Variants in LAMA3 observed in about 807,000 individuals in gnomAD.
LAMA3 encodes the protein laminin subunit alpha-3.
In LAMA3, 281 loss-of-function variants were observed where a neutral mutation model predicts 402.0. The ratio of observed to expected loss-of-function variants is 0.70; its 90% CI spans 0.63 to 0.77. The LOEUF (loss-of-function observed/expected upper bound fraction) is 0.77. LAMA3 is among the 30% of genes least tolerant of loss of function. The pLI, the probability that LAMA3 is intolerant of heterozygous loss-of-function variation, is 0.00. For missense variants in LAMA3, 3,840 were observed against 4,215.5 expected (o/e 0.91, Z 2.47); for synonymous variants, 1,431 against 1,558.4 (o/e 0.92, Z 1.93).
chr18:23,815,343 A>G (rs2063154589), intron 16 of LAMA3, 103 bp downstream of exon 16: 2 of 1,351,846 alleles, frequency 1.5e-6, no homozygotes, highest in South Asian at 1.2e-5. Context: ...TCTACAGTGC[A>G]TGGTAATCCT....
chr18:23,816,140 ATTTTGT>A (rs963579208), intron 17 of LAMA3, among the ~76,000 whole-genome samples: 1 of 152,012 alleles, frequency 6.6e-6, no homozygotes, highest in Non-Finnish European at 1.5e-5. Flanking sequence ...CACCATTTTA[ATTTTGT>A]TTTTGTTTTT....
At chr18:23,821,104 A>T (rs942947624) in intron 19 of LAMA3, among the ~76,000 whole-genome samples, 1 of 152,240 alleles carries the variant, frequency 6.6e-6, no homozygotes, top group African/African-American at 2.4e-5. Context: ...ATCAAAGGGT[A>T]TACCTTCTCA....
chr18:23,947,448 C>T (rs972776308), intron 70 of LAMA3, among the ~76,000 whole-genome samples: 14 of 152,144 alleles, frequency 9.2e-5, no homozygotes, highest in East Asian at 7.7e-4. Context: ...AAAAGAGCCC[C>T]GGGCTCAAAT....
In LAMA3 at chr18:23,871,554, C is replaced by A; in HGVS notation, c.4891C>A (p.Leu1631Met). 1 of 1,614,222 alleles carries A rather than the reference C, an allele frequency of 6.2e-7. No homozygotes were observed. Among genetic ancestry groups the A allele is most frequent in the Admixed American group, 1.7e-5 (1 of 60,024 alleles). Residue 1631 changes from leucine to methionine, a missense_variant, in exon 38 of 75, where the codon CTG becomes ATG. Physicochemically the swap from Leu to Met is conservative, Grantham distance 15. Coordinates refer to ENST00000313654, the MANE Select transcript of LAMA3 (RefSeq NM_198129.4). Reference protein sequence around the residue: ...LYFTETQRLTLSEVGLEEASD... With the variant: ...LYFTETQRLTMSEVGLEEASD... ...CTTCACAGAGACTCAAAGGCTCACC[C>A]TGAGCGAGGTGGGGCTAGAGGAAGC...
At chr18:23,777,869 A>G (rs2062357088) in intron 11 of LAMA3, among the ~76,000 whole-genome samples, 1 of 152,228 alleles carries the variant, frequency 6.6e-6, no homozygotes, top group Admixed American at 6.5e-5. Context: ...GCTTGCTCAA[A>G]GACCTTCAAT....
chr18:23,954,889 A>G lies in LAMA3; in HGVS notation c.*241A>G. On this transcript the variant is annotated 3_prime_UTR_variant, in exon 75 of 75. Transcript: ENST00000313654. ...AAAATTGTTATTCAAATTGTTATGC[A>G]CAGAATGTTTTTGGTAATATTAATT... 2.0e-6 allele frequency: 1 copy of G among 510,338 alleles called. No homozygotes were observed. The highest frequency in any genetic ancestry group is 3.5e-6 in the Non-Finnish European group (1 of 285,424). The allele number at this position is 510,338 out of a possible 1,614,324, so 31.6% of individuals were successfully genotyped here. A position where few individuals can be genotyped will look rare whatever the true frequency, so the allele number is the denominator to read the frequency against.
intron 1 of LAMA3, among the ~76,000 whole-genome samples, chr18:23,710,463 A>G (rs1398474745): frequency 6.6e-6 from 1 of 152,240 alleles, no homozygotes; most frequent in Non-Finnish European, 1.5e-5. Flanking sequence ...AAGTCTACTT[A>G]TCTAGGTAGC....
chr18:23,912,806 G>C lies in LAMA3; in HGVS notation c.7254G>C (p.Leu2418Phe). 12 of 1,613,950 alleles carry C rather than the reference G, an allele frequency of 7.4e-6. No homozygotes were observed. Among genetic ancestry groups the C allele is most frequent in the Non-Finnish European group, 1.0e-5 (12 of 1,179,790 alleles). The change falls in exon 56 of 75, where the codon TTG becomes TTC. Residue 2418 changes from leucine (L) to phenylalanine (F), a missense_variant. By Grantham distance (22) the Leu-to-Phe change is conservative (BLOSUM62 0). Around this residue, in one of 3 missense-constraint regions of LAMA3, gnomAD observed 891 missense variants for 857.5 expected, o/e 1.04. Coordinates refer to ENST00000313654, the MANE Select transcript of LAMA3 (RefSeq NM_198129.4). Reference sequence around the variant, plus strand: ...TGAAAGGATATACATCTCTGTCCTTGTTTCTCCAAAGGCCCAACTCAAGAG... The same window carrying C: ...TGAAAGGATATACATCTCTGTCCTTCTTTCTCCAAAGGCCCAACTCAAGAG... Reference protein sequence around the residue: ...EDLKGYTSLSLFLQRPNSREN... With the variant: ...EDLKGYTSLSFFLQRPNSREN...
chr18:23,937,838 C>T (rs1432547030), intron 67 of LAMA3, among the ~76,000 whole-genome samples: 1 of 152,162 alleles, frequency 6.6e-6, no homozygotes, highest in African/African-American at 2.4e-5. Context: ...TTTTAAATAA[C>T]TGATTTCAAG....
chr18:23,842,223 T>A (rs2063716545), intron 27 of LAMA3, among the ~76,000 whole-genome samples, 172 bp from the exon 28 acceptor site: 2 of 152,252 alleles, frequency 1.3e-5, no homozygotes, highest in African/African-American at 4.8e-5. Flanking sequence ...ACAAAAAAGC[T>A]ACTGTAAATG....
intron 25 of LAMA3, among the ~76,000 whole-genome samples, chr18:23,838,109 G>A (rs1243171350): frequency 6.6e-6 from 1 of 152,150 alleles, no homozygotes; most frequent in Non-Finnish European, 1.5e-5. Context: ...TATGAAGGCA[G>A]GGGTGTTGTC....
At chr18:23,725,114 C>G in intron 2 of LAMA3, among the ~76,000 whole-genome samples, 1 of 145,672 alleles carries the variant, frequency 6.9e-6, no homozygotes, top group East Asian at 2.0e-4. Flanking sequence ...ACTCACCATT[C>G]TTTTTTTTTT....
rs577651783 is a variant in LAMA3 at position 23,701,796 on chromosome 18, C to T, written c.294+11819C>T. Among the ~76,000 whole-genome samples the T allele has an allele frequency of 2.0e-5, 3 of 152,206 alleles. No homozygotes were observed. In the East Asian group the frequency reaches 5.8e-4, roughly 29 times the overall value. ...AGATGGAGTTGCTAAGGAAGACTGC[C>T]GAAAAGAGACTTCAGTCTGGGAGAA... On this transcript the variant is annotated intron_variant, in intron 1 of 74. Transcript: ENST00000313654.
intron 51 of LAMA3, 53 bp from the exon 52 acceptor site, chr18:23,905,469 A>G (rs964073853): frequency 2.0e-6 from 2 of 998,728 alleles, no homozygotes; most frequent in Non-Finnish European, 3.2e-6. Context: ...ATCTTATTCC[A>G]TATTTCGTAA....
intron 6 of LAMA3, among the ~76,000 whole-genome samples, chr18:23,754,069 C>T (rs1415076226): frequency 6.6e-6 from 1 of 152,118 alleles, no homozygotes; most frequent in Admixed American, 6.5e-5. Flanking sequence ...ACCAGATCAC[C>T]CCCAAGACAT....
At chr18:23,710,146 C>G (rs2060963827) in intron 1 of LAMA3, 1 of 694,838 alleles carries the variant, frequency 1.4e-6, no homozygotes, top group Middle Eastern at 3.8e-4. Context: ...GTGTCGTGGG[C>G]CGCCGGAAGG....
rs573672143 is a variant in LAMA3, at chr18:23,798,497, C to T, written c.1604-11869C>T. Among the ~76,000 whole-genome samples, 13 of 152,254 alleles carry T rather than the reference C, an allele frequency of 8.5e-5. No homozygotes were observed. The East Asian group carries it at 1.5e-3, about 18-fold the overall frequency. On this transcript the variant is annotated intron_variant, in intron 12 of 74. Coordinates refer to ENST00000313654, the MANE Select transcript of LAMA3 (RefSeq NM_198129.4). ...CCGGGGAGGAGAAGTGCCCTGCTGA[C>T]GAGGAATGGTGCCAGGGAAGGTTTT...
chr18:23,871,706 T>C, intron 38 of LAMA3, 45 bp downstream of exon 38: 1 of 1,459,444 alleles, frequency 6.9e-7, no homozygotes, highest in Non-Finnish European at 9.4e-7. Context: ...GGAGCTCCTG[T>C]GGCCGTTTTT....
intron 2 of LAMA3, among the ~76,000 whole-genome samples, chr18:23,733,829 T>C (rs546715811): frequency 6.6e-6 from 1 of 152,338 alleles, no homozygotes; most frequent in African/African-American, 2.4e-5. Context: ...CAGGGCTACC[T>C]GATCATGAGT....
Sources: gnomAD v4.1 joint callset for allele counts (sites outside exome capture counted in the v4.1 genomes callset) on GRCh38, gnomAD v4.1.1 for gene constraint, gnomAD v4.1.1 regional missense constraint, MANE v1.5 for transcripts, NCBI Gene and HGNC (gene_info 2026-07-23, HGNC 2026-07-21) for gene names.